The following PRR5L variants were observed in gnomAD, a reference collection of about 807,000 sequenced individuals.
PRR5L encodes the protein proline-rich protein 5-like.
PRR5L carries 21 observed loss-of-function variants against 36.4 expected under a neutral mutation model. That is an observed-to-expected ratio of 0.58 (90% CI 0.41 to 0.83). The LOEUF (loss-of-function observed/expected upper bound fraction) is 0.83. PRR5L is among the 40% of genes least tolerant of loss of function. The probability of loss-of-function intolerance (pLI) is 0.00; values close to 1 mark genes in which losing one functional copy is unlikely to be tolerated. For synonymous variants in PRR5L, 188 were observed against 197.0 expected (o/e 0.95, Z 0.38); for missense variants, 381 against 473.3 (o/e 0.80, Z 1.81).
chr11:36,337,943 T>C (rs1249205057), intron 1 of PRR5L, among the ~76,000 whole-genome samples: 1 of 152,258 alleles, frequency 6.6e-6, no homozygotes, highest in African/African-American at 2.4e-5. Flanking sequence ...TCCCTTTCTT[T>C]TCCTTTCATC....
At chr11:36,444,068 C>T (rs1858778234) in intron 6 of PRR5L, among the ~76,000 whole-genome samples, 2 of 151,980 alleles carry the variant, frequency 1.3e-5, no homozygotes, top group Admixed American at 1.3e-4. Context: ...TAAAATATGC[C>T]CAACGTGGCA....
At chr11:36,440,052 C>A (rs1325293118) in intron 6 of PRR5L, among the ~76,000 whole-genome samples, 1 of 152,124 alleles carries the variant, frequency 6.6e-6, no homozygotes, top group Non-Finnish European at 1.5e-5. Context: ...TGGTTAATGG[C>A]CCCAAATGAC....
intron 6 of PRR5L, among the ~76,000 whole-genome samples, chr11:36,445,442 A>G (rs569503529): frequency 1.3e-5 from 2 of 152,154 alleles, no homozygotes; most frequent in South Asian, 2.1e-4. Context: ...CATCTGTGAA[A>G]TGGGTTTGGC....
At chr11:36,447,540 G>A (rs1858856681) in intron 7 of PRR5L, among the ~76,000 whole-genome samples, 1 of 152,208 alleles carries the variant, frequency 6.6e-6, no homozygotes, top group African/African-American at 2.4e-5. Flanking sequence ...CTTCACCTCT[G>A]TAACAAGTTC....
intron 3 of PRR5L, among the ~76,000 whole-genome samples, chr11:36,413,487 T>C (rs953092451): frequency 1.3e-5 from 2 of 152,186 alleles, no homozygotes; most frequent in Non-Finnish European, 2.9e-5. Flanking sequence ...TGTTTTGACA[T>C]GGTTCAAAAA....
intron 3 of PRR5L, among the ~76,000 whole-genome samples, chr11:36,407,664 T>A (rs892259552): frequency 6.6e-6 from 1 of 152,224 alleles, no homozygotes; most frequent in African/African-American, 2.4e-5. Context: ...ATCAGATTCT[T>A]TGGGTCACTC....
At chr11:36,457,661 A>G (rs925465076) in intron 8 of PRR5L, among the ~76,000 whole-genome samples, 2 of 152,122 alleles carry the variant, frequency 1.3e-5, no homozygotes, top group Non-Finnish European at 1.5e-5. Flanking sequence ...CTCTAGCAAC[A>G]TTAGAAATAA....
At chr11:36,376,674 CG>C in intron 1 of PRR5L, 1 of 989,556 alleles carries the variant, frequency 1.0e-6, no homozygotes. Flanking sequence ...GTGCGCGACT[CG>C]GGGTGATTCA....
intron 1 of PRR5L, among the ~76,000 whole-genome samples, chr11:36,343,851 C>G (rs1481714407): frequency 6.6e-6 from 1 of 151,874 alleles, no homozygotes; most frequent in Non-Finnish European, 1.5e-5. Flanking sequence ...AGATCTAGGG[C>G]ATTTGGTTCT....
chr11:36,376,060 A>G (rs1857252513), intron 1 of PRR5L: 4 of 911,428 alleles, frequency 4.4e-6, no homozygotes, highest in Non-Finnish European at 6.3e-6. Flanking sequence ...GTGTGAGAGA[A>G]ACGCAAGCAC....
At chr11:36,366,663 G>A (rs1286100856) in intron 1 of PRR5L, among the ~76,000 whole-genome samples, 2 of 152,184 alleles carry the variant, frequency 1.3e-5, no homozygotes, top group African/African-American at 4.8e-5. Flanking sequence ...AATGTAGTTA[G>A]CATGAGTTAA....
intron 1 of PRR5L, among the ~76,000 whole-genome samples, chr11:36,355,209 C>T (rs940809332): frequency 1.3e-5 from 2 of 152,242 alleles, no homozygotes; most frequent in East Asian, 1.9e-4. Flanking sequence ...CAATGTTTTA[C>T]GGTGGCAAAG....
chr11:36,345,525 T>C (rs1244436002), intron 1 of PRR5L, among the ~76,000 whole-genome samples: 1 of 152,050 alleles, frequency 6.6e-6, no homozygotes, highest in Non-Finnish European at 1.5e-5. Flanking sequence ...AAAACAGACA[T>C]AGTTTTTGGT....
intron 1 of PRR5L, among the ~76,000 whole-genome samples, chr11:36,381,941 G>A (rs1857376013): frequency 6.6e-6 from 1 of 152,052 alleles, no homozygotes; most frequent in Non-Finnish European, 1.5e-5. Context: ...GGTGGATCAT[G>A]AGGTCAGGAG....
At chr11:36,419,389 A>G (rs1294190159) in intron 4 of PRR5L, 86 bp downstream of exon 4, 16 of 1,176,198 alleles carry the variant, frequency 1.4e-5, no homozygotes, top group Non-Finnish European at 1.8e-5. Flanking sequence ...GTACAGTTGG[A>G]CATTCCTTCA....
intron 1 of PRR5L, among the ~76,000 whole-genome samples, chr11:36,393,494 T>G (rs573771041): frequency 6.6e-6 from 1 of 152,300 alleles, no homozygotes; most frequent in Non-Finnish European, 1.5e-5. Flanking sequence ...TCTAAATGTA[T>G]GGATTTGTTT....
chr11:36,395,174 A>G (rs1049230936), intron 1 of PRR5L, among the ~76,000 whole-genome samples: 1 of 152,240 alleles, frequency 6.6e-6, no homozygotes, highest in Admixed American at 6.5e-5. Flanking sequence ...CAGTAACCAC[A>G]AAAGGGGAAA....
At chr11:36,348,983 G>A (rs112889705) in intron 1 of PRR5L, among the ~76,000 whole-genome samples, 159 of 152,152 alleles carry the variant, frequency 1.0e-3, no homozygotes, top group Admixed American at 2.7e-3. Flanking sequence ...AGCATCCCTC[G>A]CTGAAAAATT....
intron 6 of PRR5L, among the ~76,000 whole-genome samples, chr11:36,441,437 T>G (rs770902370): frequency 5.0e-4 from 76 of 152,224 alleles, no homozygotes; most frequent in Non-Finnish European, 8.7e-4. Flanking sequence ...TTTGACCCCA[T>G]GTTCCACATC....
Sources: allele counts gnomAD v4.1 joint callset (sites outside exome capture counted in the v4.1 genomes callset), GRCh38; gene constraint gnomAD v4.1.1; transcripts MANE v1.5; gene names NCBI Gene and HGNC (gene_info 2026-07-23, HGNC 2026-07-21).